The following CHD2 variants were observed in gnomAD, a reference collection of about 807,000 sequenced individuals.
The protein encoded by CHD2 is chromodomain helicase DNA binding protein 2, also known as ATP-dependent chromatin remodeler CHD2.
Under a neutral mutation model 243.9 loss-of-function variants are expected in CHD2, and 28 were observed. The observed-to-expected ratio is 0.11, with a 90% confidence interval of 0.09 to 0.16. CHD2 has a LOEUF of 0.16. Among genes scored for constraint, CHD2 ranks in the 10% least tolerant of loss-of-function variants. The probability of loss-of-function intolerance (pLI) is 1.00; values close to 1 mark genes in which losing one functional copy is unlikely to be tolerated. For missense variants in CHD2, 1,386 were observed against 2,209.8 expected (o/e 0.63, Z 7.47); for synonymous variants, 775 against 779.0 (o/e 0.99, Z 0.09).
intron 34 of CHD2, among the ~76,000 whole-genome samples, chr15:93,007,588 T>G (rs1324579698): frequency 6.6e-6 from 1 of 152,234 alleles, no homozygotes; most frequent in African/African-American, 2.4e-5. Flanking sequence ...TTTCATTATT[T>G]GAAAATTTCA....
At chr15:93,020,614 T>G in intron 38 of CHD2, 11 of 448,582 alleles carry the variant, frequency 2.5e-5, no homozygotes, top group Non-Finnish European at 4.4e-5. Flanking sequence ...CCCACAGTCC[T>G]TACCTGCCAC....
At chr15:92,904,499 G>A (rs1305320417) in intron 2 of CHD2, 7 of 991,238 alleles carry the variant, frequency 7.1e-6, no homozygotes, top group Non-Finnish European at 8.4e-6. Flanking sequence ...AGGGGAAAAG[G>A]AAGGGAACTC....
chr15:92,912,777 G>GC (rs2052763382), intron 2 of CHD2, among the ~76,000 whole-genome samples: 3 of 147,162 alleles, frequency 2.0e-5, no homozygotes, highest in East Asian at 1.9e-4. Context: ...CTCGTGATCC[G>GC]CCAACCTTGT....
intron 2 of CHD2, among the ~76,000 whole-genome samples, chr15:92,921,198 TA>T: frequency 1.3e-5 from 2 of 152,220 alleles, no homozygotes; most frequent in Middle Eastern, 6.8e-3. Flanking sequence ...AGGTGATACC[TA>T]AGCCCACAAA....
intron 2 of CHD2, among the ~76,000 whole-genome samples, chr15:92,921,771 T>G (rs1340563156): frequency 6.6e-6 from 1 of 152,172 alleles, no homozygotes; most frequent in Non-Finnish European, 1.5e-5. Flanking sequence ...GATGTTCTTA[T>G]GACACTACTG....
At chr15:92,944,560 A>G (rs746766471) in intron 10 of CHD2, 45 bp downstream of exon 10, 5 of 1,009,612 alleles carry the variant, frequency 5.0e-6, no homozygotes, top group Non-Finnish European at 7.3e-6. Context: ...AACTTGAGGA[A>G]TAGTGGCTTT....
chr15:92,998,012 T>G lies in CHD2; in HGVS notation c.3886-487T>G, dbSNP rs2054207918. ...TTAGGAGGGTGACAGCACCCTGCCT[T>G]AAGCACTGAGACCAGATTCAGTCTG... On this transcript the variant is annotated intron_variant, in intron 30 of 38. Transcript: ENST00000394196. This position sits in a 1 kb window ranked among gnomAD's most constrained non-coding sequence, Gnocchi z 5.1. 1.0e-5 allele frequency: 2 copies of G among 200,098 alleles called. No individual in the cohort carries two copies. The highest frequency in any genetic ancestry group is 6.2e-5 in the Admixed American group (1 of 16,172). The allele number at this position is 200,098 out of a possible 1,614,324, so 12.4% of individuals were successfully genotyped here.
chr15:92,961,876 C>G (rs200368724), intron 16 of CHD2, among the ~76,000 whole-genome samples: 10 of 78,644 alleles, frequency 1.3e-4, no homozygotes, highest in African/African-American at 4.8e-4. Flanking sequence ...TTTTTCTTCT[C>G]TTTTTTTTTT....
At chr15:93,020,376 A>G (rs764165117) in intron 38 of CHD2, 118 bp downstream of exon 38, 62 of 1,291,086 alleles carry the variant, frequency 4.8e-5, no homozygotes, top group Non-Finnish European at 6.8e-5. Context: ...CTCATCATGC[A>G]TGTGTCAGCC....
intron 19 of CHD2, 24 bp downstream of exon 19, chr15:92,972,441 G>T: frequency 6.4e-7 from 1 of 1,563,342 alleles, no homozygotes; most frequent in Non-Finnish European, 8.7e-7. Context: ...AGTAATTGCT[G>T]TGGGGGGAAT....
chr15:92,958,439 C>T (rs1017561731), intron 16 of CHD2, among the ~76,000 whole-genome samples: 17 of 152,110 alleles, frequency 1.1e-4, no homozygotes, highest in African/African-American at 3.9e-4. Context: ...TTAACTCAGG[C>T]GTCGTGTTCC....
intron 10 of CHD2, chr15:92,945,336 G>A (rs985463579): frequency 6.6e-6 from 1 of 152,288 alleles, no homozygotes; most frequent in African/African-American, 2.4e-5. Flanking sequence ...GAACAGAGAA[G>A]TGGAGTGTCA....
At chr15:92,952,104 CA>C (rs1355986238) in intron 13 of CHD2, among the ~76,000 whole-genome samples, 5 of 152,122 alleles carry the variant, frequency 3.3e-5, no homozygotes, top group Non-Finnish European at 7.4e-5. Context: ...AATTTCCTGC[CA>C]AAATGACTGT....
intron 5 of CHD2, among the ~76,000 whole-genome samples, chr15:92,932,051 A>G (rs894025702): frequency 6.6e-6 from 1 of 152,050 alleles, no homozygotes; most frequent in Non-Finnish European, 1.5e-5. Flanking sequence ...TTTAATAGAG[A>G]CGGGGTTTCA....
chr15:93,024,063 G>T (rs1319732808), intron 38 of CHD2, among the ~76,000 whole-genome samples: 1 of 151,976 alleles, frequency 6.6e-6, no homozygotes. Context: ...TTTTTCTCAT[G>T]GGCTGGGTCC....
In CHD2 at chr15:92,984,251, T is replaced by G. The variant is rs536661798; in HGVS notation, c.3067-79T>G. 25 of 1,134,364 alleles carry G rather than the reference T, an allele frequency of 2.2e-5. No individual in the cohort carries two copies. In the South Asian group the frequency reaches 5.8e-4, roughly 26 times the overall value. The allele number at this position is 1,134,364 out of a possible 1,614,324, so 70.3% of individuals were successfully genotyped here. ...CTATTATTCACAGTGTCTACTTAGATAAAAACACTGGATAAATTGTTTTAG... is the reference window on the plus strand; with the variant it reads ...CTATTATTCACAGTGTCTACTTAGAGAAAAACACTGGATAAATTGTTTTAG... On this transcript the variant is annotated intron_variant, in intron 24 of 38. Transcript: ENST00000394196.
chr15:92,938,313 C>G (rs2053299365), intron 6 of CHD2, among the ~76,000 whole-genome samples: 1 of 152,174 alleles, frequency 6.6e-6, no homozygotes, highest in Admixed American at 6.5e-5. Flanking sequence ...AAAAACAATT[C>G]TGTTCTCATT....
chr15:92,916,557 CTT>C (rs898433450), intron 2 of CHD2, among the ~76,000 whole-genome samples: 8 of 152,126 alleles, frequency 5.3e-5, no homozygotes, highest in Non-Finnish European at 8.8e-5. Context: ...GATTCATACA[CTT>C]TTTTATTTTT....
intron 24 of CHD2, among the ~76,000 whole-genome samples, chr15:92,983,748 A>G (rs2054008490): frequency 6.6e-6 from 1 of 152,234 alleles, no homozygotes; most frequent in African/African-American, 2.4e-5. Context: ...ATATTCTTCT[A>G]GATTTATTTA....
Sources: allele counts gnomAD v4.1 joint callset (sites outside exome capture counted in the v4.1 genomes callset), GRCh38; gene constraint gnomAD v4.1.1; non-coding constraint Gnocchi (gnomAD v3.1); transcripts MANE v1.5; gene names NCBI Gene and HGNC (gene_info 2026-07-23, HGNC 2026-07-21).